The following DVL2 variants were observed in gnomAD, a reference collection of about 807,000 sequenced individuals.
The protein encoded by DVL2 is segment polarity protein dishevelled homolog DVL-2.
DVL2 carries 38 observed loss-of-function variants against 69.8 expected under a neutral mutation model. The observed-to-expected ratio is 0.54, with a 90% CI of 0.42 to 0.71. DVL2 has a LOEUF of 0.71. DVL2 is among the 30% of genes least tolerant of loss of function. The pLI is 0.00. For missense variants in DVL2, 931 were observed against 1,008.1 expected (o/e 0.92, Z 1.04); for synonymous variants, 428 against 392.4 (o/e 1.09, Z -1.07).
chr17:7,226,717 GGGAA>G, intron 13 of DVL2, 78 bp from the exon 14 acceptor site: 3 of 1,177,988 alleles, frequency 2.5e-6, no homozygotes, highest in Non-Finnish European at 2.3e-6. Flanking sequence ...GAGAGGAACT[GGGAA>G]CAGTTCTCCC....
rs2142991748 is a variant in DVL2 at position 7,226,080 on chromosome 17, G to A, written c.1996C>T (p.Pro666Ser). The A allele has an allele frequency of 1.3e-6, 2 of 1,597,946 alleles. No homozygotes were observed. Among genetic ancestry groups the A allele is most frequent in the Non-Finnish European group, 1.7e-6 (2 of 1,171,020 alleles). Residue 666 changes from proline to serine, a missense_variant, in exon 15 of 15, where the codon CCC becomes TCC. Around this residue, in one of 3 missense-constraint regions of DVL2, gnomAD observed 314 missense variants for 313.7 expected, o/e 1.00. Coordinates refer to ENST00000005340, the MANE Select transcript of DVL2 (RefSeq NM_004422.3). ...GCCATGCCAGGGGGCGGTCCATAGG[G>A]ATGGAGCCCTGGGTGGGCTCGGAGA... ...PNLRAHPGLH[P>S]YGPPPGMALP...
intron 1 of DVL2, among the ~76,000 whole-genome samples, chr17:7,233,736 A>G (rs77223957): frequency 6.1e-4 from 93 of 152,018 alleles, no homozygotes; most frequent in African/African-American, 2.2e-3. Context: ...GCGTTACAGG[A>G]CTCCTGAGAA....
At chr17:7,232,276 A>AG (rs1349767130) in intron 1 of DVL2, among the ~76,000 whole-genome samples, 1 of 152,222 alleles carries the variant, frequency 6.6e-6, no homozygotes, top group East Asian at 1.9e-4. Context: ...GCCCCAAATT[A>AG]GGACACCTTG....
Position 7,230,450 on chromosome 17 carries a change from A to T in DVL2, c.265-20T>A. On this transcript the variant is annotated intron_variant, in intron 2 of 14. Coordinates refer to ENST00000005340, the MANE Select transcript of DVL2 (RefSeq NM_004422.3). ...CACCAGCTAGAAGGGTGCAAATGAT[A>T]AACAGTGGCTCACTTGGGAGTCAGG... The T allele has an allele frequency of 2.5e-6, 4 of 1,611,742 alleles. No individual in the cohort carries two copies. The highest frequency in any genetic ancestry group is 3.4e-6 in the Non-Finnish European group (4 of 1,178,138).
chr17:7,234,440 G>C lies in DVL2; in HGVS notation c.-178C>G. ...GGGTGGCGGCGGGGGGCGGGCCGCGGGGTGCGACTCAAAGCCCCGGTCTCA... is the reference window on the plus strand; with the variant it reads ...GGGTGGCGGCGGGGGGCGGGCCGCGCGGTGCGACTCAAAGCCCCGGTCTCA... On this transcript the variant is annotated 5_prime_UTR_variant, in exon 1 of 15. Coordinates refer to ENST00000005340, the MANE Select transcript of DVL2 (RefSeq NM_004422.3). The C allele has an allele frequency of 1.4e-6, 1 of 732,334 alleles. No individual in the cohort carries two copies. The highest frequency in any genetic ancestry group is 2.1e-6 in the Non-Finnish European group (1 of 478,956). 45.4% of individuals were successfully genotyped at this position (732,334 alleles called of 1,614,324 possible).
In DVL2 at chr17:7,229,636, A is replaced by G; in HGVS notation, c.699T>C (p.Leu233=). Residue 233 remains leucine (L), a synonymous_variant, in exon 6 of 15, where the codon CTT becomes CTC. Transcript: ENST00000005340. The surrounding 1 kb of genome is among the most constrained non-coding windows in gnomAD (Gnocchi z 4.4). ...STEQSSASRL[L]KRHRRRRKQR... Reference sequence around the variant, plus strand: ...GCTTCCTTCGCCGCCGGTGGCGCTTAAGGAGGCGGGAGGCACTGCTCTGCT... The same window carrying G: ...GCTTCCTTCGCCGCCGGTGGCGCTTGAGGAGGCGGGAGGCACTGCTCTGCT... The G allele has an allele frequency of 6.4e-7, 1 of 1,552,312 alleles. No homozygotes were observed. The highest frequency in any genetic ancestry group is 2.2e-5 in the East Asian group (1 of 44,466).
intron 13 of DVL2, 107 bp from the exon 14 acceptor site, chr17:7,226,746 T>C: frequency 1.1e-6 from 1 of 893,842 alleles, no homozygotes; most frequent in Non-Finnish European, 1.6e-6. Context: ...CCACCCACGA[T>C]GGGGCTCAAA....
intron 9 of DVL2, chr17:7,228,391 AG>A (rs774880661): frequency 1.6e-5 from 3 of 192,822 alleles, no homozygotes; most frequent in Non-Finnish European, 3.2e-5. Context: ...TGATGGCCAA[AG>A]AAGTCAGGAG....
intron 12 of DVL2, 30 bp from the exon 13 acceptor site, chr17:7,227,299 C>T (rs1158786173): frequency 9.4e-6 from 15 of 1,600,384 alleles, no homozygotes; most frequent in Non-Finnish European, 1.2e-5. Flanking sequence ...AAAAAGGCCT[C>T]AGGTTCTTCT....
rs561594573 is a variant in DVL2, at chr17:7,225,691, C to T, written c.*174G>A. 3 of 628,764 alleles carry T rather than the reference C, an allele frequency of 4.8e-6. No individual in the cohort carries two copies. Among genetic ancestry groups the T allele is most frequent in the South Asian group, 1.9e-5 (1 of 53,592 alleles). 38.9% of individuals were successfully genotyped at this position (628,764 alleles called of 1,614,324 possible). A position where few individuals can be genotyped will look rare whatever the true frequency, so the allele number is the denominator to read the frequency against. ...AAATAATCAAAGGTCCCTTGTCTAC[C>T]CCTGAGGGAAGGGGGAGGAACCAGG... On this transcript the variant is annotated 3_prime_UTR_variant, in exon 15 of 15. Coordinates refer to ENST00000005340, the MANE Select transcript of DVL2 (RefSeq NM_004422.3).
chr17:7,225,529 G>T lies in DVL2; in HGVS notation c.*336C>A, dbSNP rs1212818318. 2 of 421,884 alleles carry T rather than the reference G, an allele frequency of 4.7e-6. No individual in the cohort carries two copies. Among genetic ancestry groups the T allele is most frequent in the African/African-American group, 4.1e-5 (2 of 49,238 alleles). 26.1% of individuals were successfully genotyped at this position (421,884 alleles called of 1,614,324 possible). A position where few individuals can be genotyped will look rare whatever the true frequency, so the allele number is the denominator to read the frequency against. ...GGGCTGTGGGTAACTGGAGGAGGAG[G>T]TCACATTCTGGGGTTAGAAGGGGCC... On this transcript the variant is annotated 3_prime_UTR_variant, in exon 15 of 15. Coordinates refer to ENST00000005340, the MANE Select transcript of DVL2 (RefSeq NM_004422.3).
Position 7,234,461 on chromosome 17 carries a change from T to A in DVL2, c.-199A>T. The A allele has an allele frequency of 1.6e-6, 1 of 612,520 alleles. No individual in the cohort carries two copies. The highest frequency in any genetic ancestry group is 2.6e-6 in the Non-Finnish European group (1 of 377,530). The allele number at this position is 612,520 out of a possible 1,614,324, so 37.9% of individuals were successfully genotyped here. A position where few individuals can be genotyped will look rare whatever the true frequency, so the allele number is the denominator to read the frequency against. On this transcript the variant is annotated 5_prime_UTR_variant, in exon 1 of 15. Coordinates refer to ENST00000005340, the MANE Select transcript of DVL2 (RefSeq NM_004422.3). ...CGCGGGGTGCGACTCAAAGCCCCGG[T>A]CTCAGCGGCCGCCGCGCGCCACCGC...
rs200099877 is a variant in DVL2 at position 7,226,407 on chromosome 17, T to C, written c.1762+14A>G. 3.1e-4 allele frequency: 470 copies of C among 1,531,058 alleles called. 1 individual carries two copies. The highest frequency in any genetic ancestry group is 3.8e-4 in the Non-Finnish European group (437 of 1,140,442). 94.8% of individuals were successfully genotyped at this position (1,531,058 alleles called of 1,614,324 possible). ...CTCAGATCCTGGCCGTACAGGTATG[T>C]GGGGATGACTTACCCTCACTATGCT... On this transcript the variant is annotated intron_variant, in intron 14 of 14. Transcript: ENST00000005340.
chr17:7,234,309 A>G lies in DVL2; in HGVS notation c.-47T>C. ...GGCTCCACCGCCCACCCAAAGGGCT[A>G]ATGGCCCCTGCCGCGCCTGCGCACA... is the stretch of plus-strand genomic sequence containing the variant. On this transcript the variant is annotated 5_prime_UTR_variant, in exon 1 of 15. Coordinates refer to ENST00000005340, the MANE Select transcript of DVL2 (RefSeq NM_004422.3). 2 of 1,577,622 alleles carry G rather than the reference A, an allele frequency of 1.3e-6. No individual in the cohort carries two copies. The highest frequency in any genetic ancestry group is 1.7e-6 in the Non-Finnish European group (2 of 1,161,782).
chr17:7,228,870 C>A, intron 9 of DVL2, 99 bp downstream of exon 9: 2 of 1,280,474 alleles, frequency 1.6e-6, no homozygotes, highest in South Asian at 2.5e-5. Context: ...GCTCGAGCCA[C>A]CACGCCCGGC....
rs772854013 is a variant in DVL2, at chr17:7,225,952, G to A, written c.2124C>T (p.Gly708=). 1.4e-5 allele frequency: 23 copies of A among 1,613,730 alleles called. No individual in the cohort carries two copies. In the East Asian group the frequency reaches 5.1e-4, roughly 36 times the overall value. The change falls in exon 15 of 15, where the codon GGC becomes GGT. Residue 708 remains glycine (G), a synonymous_variant. Coordinates refer to ENST00000005340, the MANE Select transcript of DVL2 (RefSeq NM_004422.3). ...TGGCTGTCAGTTCTGGGGGCACAGAGCCCAGGTCTCTGACTGGAGGGGCCC... is the reference window on the plus strand; with the variant it reads ...TGGCTGTCAGTTCTGGGGGCACAGAACCCAGGTCTCTGACTGGAGGGGCCC... ...PPGAPPVRDL[G]SVPPELTASR...
At chr17:7,233,019 G>A (rs1345920017) in intron 1 of DVL2, among the ~76,000 whole-genome samples, 6 of 146,650 alleles carry the variant, frequency 4.1e-5, no homozygotes, top group Non-Finnish European at 7.4e-5. Flanking sequence ...GGACCCGGGA[G>A]GCAGAGCTTG....
rs1321372286 is a variant in DVL2 at position 7,229,094 on chromosome 17, G to A, written c.957+41C>T. On this transcript the variant is annotated intron_variant, in intron 8 of 14. Transcript: ENST00000005340. The surrounding 1 kb of genome is among the most constrained non-coding windows in gnomAD (Gnocchi z 4.4). ...AGAGACACGGTGGGAGAGGCTGAGG[G>A]CCCCCGTGCAGGGCAGCTCAGTGGC... 4.3e-6 allele frequency: 7 copies of A among 1,613,946 alleles called. No individual in the cohort carries two copies. Among genetic ancestry groups the A allele is most frequent in the African/African-American group, 2.7e-5 (2 of 74,916 alleles).
Position 7,229,341 on chromosome 17 carries a change from G to A in DVL2, c.817+37C>T. 6.2e-7 allele frequency: 1 copy of A among 1,613,638 alleles called. No homozygotes were observed. The highest frequency in any genetic ancestry group is 1.1e-5 in the South Asian group (1 of 91,058). The stretch of plus-strand genomic sequence containing the variant: ...GGACGCCCGGAACCCTAGAGACCAG[G>A]CCCTCCCCACGCCCTAGCCACAGGC... On this transcript the variant is annotated intron_variant, in intron 7 of 14. Transcript: ENST00000005340. This position sits in a 1 kb window ranked among gnomAD's most constrained non-coding sequence, Gnocchi z 4.4.
Sources: allele counts gnomAD v4.1 joint callset (sites outside exome capture counted in the v4.1 genomes callset), GRCh38; gene constraint gnomAD v4.1.1; regional missense constraint gnomAD v4.1.1; non-coding constraint Gnocchi (gnomAD v3.1); transcripts MANE v1.5; gene names NCBI Gene and HGNC (gene_info 2026-07-23, HGNC 2026-07-21).